ACOT11: variants seen among roughly 807,000 people sequenced by gnomAD.
ACOT11 encodes the protein acyl-coenzyme A thioesterase 11.
ACOT11 carries 69 observed loss-of-function variants against 77.5 expected under a neutral mutation model. The observed-to-expected ratio is 0.89, with a 90% confidence interval of 0.73 to 1.09. ACOT11 has a LOEUF of 1.09. ACOT11 is among the 50% of genes least tolerant of loss of function. The pLI is 0.00. For missense variants in ACOT11, 766 were observed against 813.7 expected (o/e 0.94, Z 0.71); for synonymous variants, 279 against 313.0 (o/e 0.89, Z 1.15).
exon 17 of ACOT11, chr1:54,638,155 A>G (rs1453996934): frequency 6.6e-6 from 1 of 151,926 alleles, no homozygotes; most frequent in Admixed American, 6.6e-5. Flanking sequence ...GCCAGAAAAA[A>G]TAGATTTGGG....
Position 54,629,487 on chromosome 1 carries a change from T to C in ACOT11, c.1630-1247T>C, listed in dbSNP as rs1644288740. Among the ~76,000 whole-genome samples the C allele has an allele frequency of 1.5e-5, 2 of 132,870 alleles. 1 individual carries two copies. The highest frequency in any genetic ancestry group is 1.5e-4 in the Admixed American group (2 of 12,904). 87.2% of individuals were successfully genotyped at this position (132,870 alleles called of 152,430 possible). ...ATTTTTAGCAGAGATGGGGTTTCACTGTGTTAGCCAGGGTGGTCTCAATCT... is the reference window on the plus strand; with the variant it reads ...ATTTTTAGCAGAGATGGGGTTTCACCGTGTTAGCCAGGGTGGTCTCAATCT... On this transcript the variant is annotated intron_variant, in intron 15 of 16. Coordinates refer to the ACOT11 transcript ENST00000371316.
At chr1:54,562,335 T>C in intron 1 of ACOT11, among the ~76,000 whole-genome samples, 1 of 81,660 alleles carries the variant, frequency 1.2e-5, no homozygotes, top group Non-Finnish European at 2.4e-5. Flanking sequence ...CCCATCTCCC[T>C]CCCGGACGGG....
At chr1:54,620,259 G>T (rs1644217055) in intron 15 of ACOT11, among the ~76,000 whole-genome samples, 1 of 152,218 alleles carries the variant, frequency 6.6e-6, no homozygotes, top group South Asian at 2.1e-4. Context: ...AACACTTAAG[G>T]AAGACCTTGA....
intron 15 of ACOT11, among the ~76,000 whole-genome samples, chr1:54,625,440 C>T (rs914308980): frequency 6.6e-6 from 1 of 152,084 alleles, no homozygotes; most frequent in African/African-American, 2.4e-5. Flanking sequence ...CCACTCCGGA[C>T]TCCAGGATCC....
intron 1 of ACOT11, among the ~76,000 whole-genome samples, chr1:54,556,208 T>C (rs1423584661): frequency 6.6e-6 from 1 of 152,216 alleles, no homozygotes; most frequent in African/African-American, 2.4e-5. Context: ...TAGATTTATT[T>C]TGGAGCTCTC....
Position 54,563,788 on chromosome 1 carries a change from C to T in ACOT11, c.33+15446C>T, listed in dbSNP as rs571566194. ...ACATTTAAAAAATTGGGCTTGGTGC[C>T]GTGGCTCATGCCTGTAATCCCAGCA... On this transcript the variant is annotated intron_variant, in intron 1 of 15. Coordinates refer to ENST00000343744, the MANE Select transcript of ACOT11 (RefSeq NM_147161.4). Among the ~76,000 whole-genome samples, 241 of 150,868 alleles carry T rather than the reference C, an allele frequency of 1.6e-3. 3 individuals carry two copies. The highest frequency in any genetic ancestry group is 0.014 in the Middle Eastern group (4 of 294).
In ACOT11 at chr1:54,607,043, G is replaced by A; in HGVS notation, c.1371-91G>A. On this transcript the variant is annotated intron_variant, in intron 13 of 15. Coordinates refer to ENST00000343744, the MANE Select transcript of ACOT11 (RefSeq NM_147161.4). This position sits in a 1 kb window ranked among gnomAD's most constrained non-coding sequence, Gnocchi z 4.5. ...GACATCCCATCACAGAAGCTGCTCA[G>A]GCACTGCAGTGTGGCAGGGCCCGGG... is the stretch of plus-strand genomic sequence containing the variant. 1 of 1,554,578 alleles carries A rather than the reference G, an allele frequency of 6.4e-7. No homozygotes were observed. Among genetic ancestry groups the A allele is most frequent in the Non-Finnish European group, 8.7e-7 (1 of 1,144,900 alleles).
At chr1:54,611,116 A>G (rs1011927789), downstream of ACOT11, 1 of 742,638 alleles carries the variant, frequency 1.3e-6, no homozygotes, top group Non-Finnish European at 1.6e-6. Flanking sequence ...TCTCTATAAA[A>G]TGGAATCCCT....
rs746513576 is a variant in ACOT11, at chr1:54,605,177, G to A, written c.1338G>A (p.Leu446=). The change falls in exon 13 of 16, where the codon CTG becomes CTA. Residue 446 remains leucine, a synonymous_variant. Transcript: ENST00000343744. ...AAQAFLLLSD[L]RQRPEWDKHY... Reference sequence around the variant, plus strand: ...AGGCCTTCCTGCTGCTCTCGGACCTGCGTCAGAGGCCAGAGTGGGACAAGC... The same window carrying A: ...AGGCCTTCCTGCTGCTCTCGGACCTACGTCAGAGGCCAGAGTGGGACAAGC... 2.5e-6 allele frequency: 4 copies of A among 1,613,766 alleles called. No individual in the cohort carries two copies. Among genetic ancestry groups the A allele is most frequent in the Non-Finnish European group, 3.4e-6 (4 of 1,180,034 alleles).
intron 15 of ACOT11, among the ~76,000 whole-genome samples, chr1:54,621,314 G>A (rs1355325369): frequency 6.6e-6 from 1 of 152,058 alleles, no homozygotes; most frequent in Non-Finnish European, 1.5e-5. Context: ...AAAATTAGCT[G>A]GGCGTGGTGG....
intron 15 of ACOT11, chr1:54,616,193 C>T: frequency 6.3e-7 from 1 of 1,579,790 alleles, no homozygotes; most frequent in Non-Finnish European, 8.6e-7. Context: ...GGCAACAACT[C>T]AGTGAGTTCC....
intron 1 of ACOT11, among the ~76,000 whole-genome samples, chr1:54,560,668 A>G (rs1418710024): frequency 1.3e-5 from 2 of 151,762 alleles, no homozygotes; most frequent in African/African-American, 2.4e-5. Context: ...CAGCCTCCCA[A>G]GTAACTGGTA....
Position 54,574,029 on chromosome 1 carries a change from C to CAA in ACOT11, c.34-10609_34-10608dup, listed in dbSNP as rs368096166. Among the ~76,000 whole-genome samples, 86 of 87,344 alleles carry CAA rather than the reference C, an allele frequency of 9.8e-4. 1 individual carries two copies. The highest frequency in any genetic ancestry group is 2.5e-3 in the South Asian group (8 of 3,186). The allele number at this position is 87,344 out of a possible 152,430, so 57.3% of individuals were successfully genotyped here. A position where few individuals can be genotyped will look rare whatever the true frequency, so the allele number is the denominator to read the frequency against. ...GGGCAACAAGAGCGAAACTCCATCT[C>CAA]AAAAAAAAAAAAAAAAAATAGTTCA... On this transcript the variant is annotated intron_variant, in intron 1 of 15. Coordinates refer to ENST00000343744, the MANE Select transcript of ACOT11 (RefSeq NM_147161.4).
At position 54,607,273 on chromosome 1, in the gene ACOT11, C is replaced by T. The variant is rs1404257299; in HGVS notation, c.1502+8C>T. 1 of 1,613,878 alleles carries T rather than the reference C, an allele frequency of 6.2e-7. No individual in the cohort carries two copies. Among genetic ancestry groups the T allele is most frequent in the Non-Finnish European group, 8.5e-7 (1 of 1,179,960 alleles). ...GAAGCCTTGTGACAATGGGTGTGTGCCTATCTGCTGTGGGGTGGGGGACAC... is the reference window on the plus strand; with the variant it reads ...GAAGCCTTGTGACAATGGGTGTGTGTCTATCTGCTGTGGGGTGGGGGACAC... On this transcript the variant is annotated splice_region_variant and intron_variant, in intron 14 of 15. Coordinates refer to ENST00000343744, the MANE Select transcript of ACOT11 (RefSeq NM_147161.4). This position sits in a 1 kb window ranked among gnomAD's most constrained non-coding sequence, Gnocchi z 4.5.
intron 1 of ACOT11, among the ~76,000 whole-genome samples, chr1:54,562,266 G>T (rs1653537892): frequency 8.2e-6 from 1 of 121,874 alleles, no homozygotes; most frequent in Non-Finnish European, 1.7e-5. Context: ...CCAGGCGGGG[G>T]GCTGACCCCC....
At chr1:54,582,997 C>A (rs943571368) in intron 1 of ACOT11, among the ~76,000 whole-genome samples, 1 of 152,124 alleles carries the variant, frequency 6.6e-6, no homozygotes, top group African/African-American at 2.4e-5. Context: ...CCTCTACCCA[C>A]TCCCACACCC....
chr1:54,597,176 T>G (rs1569741646), intron 6 of ACOT11, 83 bp from the exon 7 acceptor site: 1 of 1,551,902 alleles, frequency 6.4e-7, no homozygotes. Context: ...GTGGTGGGGG[T>G]CCCAGGGCTG....
chr1:54,569,469 G>T (rs1653861317), intron 1 of ACOT11, among the ~76,000 whole-genome samples: 1 of 152,154 alleles, frequency 6.6e-6, no homozygotes, highest in Admixed American at 6.5e-5. Context: ...CGGCCTGGTT[G>T]TCATCCTGAG....
chr1:54,562,496 A>AC (rs758350266), intron 1 of ACOT11, among the ~76,000 whole-genome samples: 2,485 of 46,046 alleles, frequency 0.054, 64 homozygotes, highest in African/African-American at 0.13. Context: ...CGGGGGGCTG[A>AC]CCCCCCCACC....
Sources: gnomAD v4.1 joint callset for allele counts (sites outside exome capture counted in the v4.1 genomes callset) on GRCh38, gnomAD v4.1.1 for gene constraint, Gnocchi (gnomAD v3.1) non-coding constraint, MANE v1.5 for transcripts, NCBI Gene and HGNC (gene_info 2026-07-23, HGNC 2026-07-21) for gene names.